Variants in NCALD observed in about 807,000 individuals in gnomAD.
NCALD encodes neurocalcin-delta.
NCALD carries 10 observed loss-of-function variants against 18.6 expected under a neutral mutation model. The ratio of observed to expected loss-of-function variants is 0.54; its 90% CI spans 0.33 to 0.91. The LOEUF (loss-of-function observed/expected upper bound fraction) is 0.91. NCALD is among the 40% of genes least tolerant of loss of function. The probability of loss-of-function intolerance (pLI) is 0.03; values close to 1 mark genes in which losing one functional copy is unlikely to be tolerated. For synonymous variants in NCALD, 88 were observed against 87.4 expected (o/e 1.01, Z -0.04); for missense variants, 184 against 247.6 (o/e 0.74, Z 1.72).
chr8:102,119,697 G>A (rs1468634252), intron 1 of NCALD, among the ~76,000 whole-genome samples: 1 of 152,196 alleles, frequency 6.6e-6, no homozygotes, highest in Non-Finnish European at 1.5e-5. Flanking sequence ...CCATCCCCAG[G>A]AAGGGAACTT....
intron 1 of NCALD, among the ~76,000 whole-genome samples, chr8:102,118,744 C>A (rs920827893): frequency 1.3e-5 from 2 of 150,980 alleles, no homozygotes; most frequent in African/African-American, 4.8e-5. Flanking sequence ...CTTCTCCCCA[C>A]CCCCTCTCTA....
intron 1 of NCALD, among the ~76,000 whole-genome samples, chr8:101,720,810 G>C (rs960624840): frequency 3.3e-5 from 5 of 152,204 alleles, no homozygotes; most frequent in African/African-American, 1.2e-4. Flanking sequence ...TTTTGCACTA[G>C]AGACAAACTG....
At chr8:101,834,579 T>C (rs1192295588) in intron 4 of NCALD, among the ~76,000 whole-genome samples, 5 of 152,262 alleles carry the variant, frequency 3.3e-5, no homozygotes, top group Non-Finnish European at 7.3e-5. Context: ...GCTCTCCCTG[T>C]TCTTCAGGGG....
intron 4 of NCALD, among the ~76,000 whole-genome samples, chr8:101,801,643 CTTTTTTTTTTTTTTTTTT>C (rs71268530): frequency 0.013 from 552 of 44,086 alleles, 4 homozygotes; most frequent in African/African-American, 0.025. Flanking sequence ...AGCACACTTA[CTTTTTTTTTTTTTTTTTT>C]TTTTTTTTTT....
chr8:101,883,543 C>G (rs529473196), intron 4 of NCALD, among the ~76,000 whole-genome samples: 1 of 152,302 alleles, frequency 6.6e-6, no homozygotes, highest in Non-Finnish European at 1.5e-5. Context: ...CAAATTAATA[C>G]AAAGCCTGGT....
chr8:101,721,854 C>CTTT (rs112131848), intron 1 of NCALD, among the ~76,000 whole-genome samples: 4 of 141,064 alleles, frequency 2.8e-5, no homozygotes, highest in African/African-American at 1.0e-4. Context: ...TTCCCCCTGC[C>CTTT]TTTTTTTTTT....
chr8:102,036,786 A>T (rs527520614), intron 1 of NCALD, among the ~76,000 whole-genome samples: 66 of 152,246 alleles, frequency 4.3e-4, no homozygotes, highest in African/African-American at 7.0e-4. Flanking sequence ...ACAACAAAAA[A>T]ATATAAAATA....
chr8:101,785,012 A>G (rs945879475), intron 1 of NCALD, among the ~76,000 whole-genome samples: 6 of 152,196 alleles, frequency 3.9e-5, no homozygotes, highest in Non-Finnish European at 8.8e-5. Flanking sequence ...GCTCTGCTGT[A>G]TATTCCAAGT....
chr8:101,966,736 T>C (rs1450891546), intron 2 of NCALD, among the ~76,000 whole-genome samples: 3 of 152,148 alleles, frequency 2.0e-5, no homozygotes, highest in Non-Finnish European at 4.4e-5. Flanking sequence ...AATCTAAAAC[T>C]TTCATATTCA....
At chr8:101,690,843 C>A (rs142448938) in intron 3 of NCALD, 2 of 985,350 alleles carry the variant, frequency 2.0e-6, no homozygotes, top group Non-Finnish European at 1.2e-6. Context: ...GGGAGACAGG[C>A]GTGATCTCTG....
intron 4 of NCALD, among the ~76,000 whole-genome samples, chr8:101,866,625 A>G: frequency 6.6e-6 from 1 of 152,238 alleles, no homozygotes; most frequent in African/African-American, 2.4e-5. Context: ...AACCAAAACC[A>G]TGGTGCTATT....
At chr8:102,069,200 A>C (rs1824103714) in intron 1 of NCALD, among the ~76,000 whole-genome samples, 1 of 151,338 alleles carries the variant, frequency 6.6e-6, no homozygotes, top group Non-Finnish European at 1.5e-5. Context: ...CTCACCACAA[A>C]AAAAAAAATG....
intron 1 of NCALD, among the ~76,000 whole-genome samples, chr8:102,108,585 T>G (rs922859687): frequency 2.0e-5 from 3 of 152,220 alleles, no homozygotes; most frequent in Non-Finnish European, 4.4e-5. Flanking sequence ...AAAATATTGA[T>G]ATCCTTTTGT....
chr8:102,115,736 CT>C (rs1174191102), intron 1 of NCALD, among the ~76,000 whole-genome samples: 5 of 152,236 alleles, frequency 3.3e-5, no homozygotes, highest in Non-Finnish European at 7.3e-5. Flanking sequence ...GTCTCTGCTG[CT>C]TCTGCTTCCC....
chr8:101,956,090 T>C (rs575580238), intron 2 of NCALD, among the ~76,000 whole-genome samples: 2 of 152,104 alleles, frequency 1.3e-5, no homozygotes, highest in Admixed American at 6.6e-5. Flanking sequence ...TTCTTGACAT[T>C]TTTCTATAAG....
intron 1 of NCALD, among the ~76,000 whole-genome samples, chr8:102,027,170 G>A (rs561684100): frequency 1.3e-4 from 20 of 152,224 alleles, no homozygotes; most frequent in Non-Finnish European, 2.5e-4. Flanking sequence ...CATTGTCTTG[G>A]TGATTAACAT....
intron 4 of NCALD, among the ~76,000 whole-genome samples, chr8:101,870,095 A>T (rs12675366): frequency 6.6e-6 from 1 of 152,358 alleles, no homozygotes; most frequent in East Asian, 1.9e-4. Context: ...GAGCATGGGC[A>T]CAATACTAAC....
intron 4 of NCALD, among the ~76,000 whole-genome samples, chr8:101,863,112 G>A (rs1196464826): frequency 2.6e-5 from 4 of 152,048 alleles, no homozygotes; most frequent in Non-Finnish European, 5.9e-5. Flanking sequence ...TCTCCACACC[G>A]TGTGCTCACC....
intron 1 of NCALD, among the ~76,000 whole-genome samples, chr8:101,723,347 C>T (rs529385907): frequency 6.6e-6 from 1 of 152,070 alleles, no homozygotes; most frequent in East Asian, 1.9e-4. Flanking sequence ...CTTTAAGTAG[C>T]AAATTACCTA....
Sources: gnomAD v4.1 joint callset for allele counts (sites outside exome capture counted in the v4.1 genomes callset) on GRCh38, gnomAD v4.1.1 for gene constraint, MANE v1.5 for transcripts, NCBI Gene and HGNC (gene_info 2026-07-23, HGNC 2026-07-21) for gene names.